The following BZW2 variants were observed in gnomAD, a reference collection of about 807,000 sequenced individuals.
BZW2 encodes the protein basic leucine zipper and W2 domains 2.
Under a neutral mutation model 53.2 loss-of-function variants are expected in BZW2, and 23 were observed. That is an observed-to-expected ratio of 0.43 (90% CI 0.31 to 0.61). The LOEUF (loss-of-function observed/expected upper bound fraction) is 0.61, where lower values mean the gene tolerates loss of function less well. Among genes scored for constraint, BZW2 ranks in the 20% least tolerant of loss-of-function variants. The probability of loss-of-function intolerance (pLI) is 0.09; values close to 1 mark genes in which losing one functional copy is unlikely to be tolerated. For missense variants in BZW2, 409 were observed against 503.1 expected, an observed-to-expected ratio of 0.81 and a Z score of 1.79; for synonymous variants, 227 against 186.4, an observed-to-expected ratio of 1.22 and a Z score of -1.77.
chr7:16,699,798 C>A (rs1401167930), intron 10 of BZW2, among the ~76,000 whole-genome samples: 1 of 152,164 alleles, frequency 6.6e-6, no homozygotes, highest in East Asian at 1.9e-4. Context: ...ACCTCCTTTT[C>A]CTTTAGACTT....
intron 7 of BZW2, among the ~76,000 whole-genome samples, chr7:16,693,254 A>G (rs947954054): frequency 2.0e-5 from 3 of 152,202 alleles, no homozygotes; most frequent in African/African-American, 7.2e-5. Context: ...CTAAAAAAAT[A>G]CAAACCATGT....
At chr7:16,689,938 A>T (rs1202336076) in intron 7 of BZW2, 32 bp downstream of exon 7, 2 of 1,544,058 alleles carry the variant, frequency 1.3e-6, no homozygotes, top group Non-Finnish European at 1.8e-6. Context: ...AGTTGTATGT[A>T]TGATGCCTTT....
At chr7:16,673,347 A>G (rs1782668375) in intron 2 of BZW2, among the ~76,000 whole-genome samples, 1 of 152,158 alleles carries the variant, frequency 6.6e-6, no homozygotes, top group African/African-American at 2.4e-5. Context: ...TAATGATACC[A>G]AGATATTCAC....
chr7:16,663,270 G>A (rs1782321662), intron 1 of BZW2, among the ~76,000 whole-genome samples: 1 of 152,110 alleles, frequency 6.6e-6, no homozygotes, highest in Non-Finnish European at 1.5e-5. Flanking sequence ...TCTACTGTTT[G>A]AACTATTACA....
intron 5 of BZW2, among the ~76,000 whole-genome samples, chr7:16,683,584 T>C (rs1204756591): frequency 3.3e-5 from 5 of 152,276 alleles, no homozygotes; most frequent in East Asian, 1.9e-4. Context: ...TCTTTGGAGA[T>C]AGAGTATATA....
At chr7:16,684,295 G>T (rs1400334759) in intron 5 of BZW2, among the ~76,000 whole-genome samples, 1 of 152,194 alleles carries the variant, frequency 6.6e-6, no homozygotes, top group Non-Finnish European at 1.5e-5. Context: ...TTCTGTAATT[G>T]GAGATGGAGA....
chr7:16,657,349 A>C (rs961583586), intron 1 of BZW2, among the ~76,000 whole-genome samples: 7 of 152,230 alleles, frequency 4.6e-5, no homozygotes, highest in African/African-American at 1.7e-4. Flanking sequence ...ATTTTGCTGT[A>C]TCTACATAGC....
chr7:16,687,913 AT>A (rs1783179356), intron 6 of BZW2, among the ~76,000 whole-genome samples: 1 of 152,128 alleles, frequency 6.6e-6, no homozygotes, highest in African/African-American at 2.4e-5. Flanking sequence ...GTGTTAATTT[AT>A]ATTAAATTTT....
chr7:16,657,250 G>A (rs1782146650), intron 1 of BZW2, among the ~76,000 whole-genome samples: 1 of 152,208 alleles, frequency 6.6e-6, no homozygotes, highest in South Asian at 2.1e-4. Context: ...AGAATAAGAG[G>A]TGCCTTGAAC....
intron 7 of BZW2, among the ~76,000 whole-genome samples, chr7:16,691,820 T>C (rs1583744827): frequency 1.3e-5 from 2 of 152,246 alleles, no homozygotes; most frequent in Admixed American, 6.5e-5. Flanking sequence ...GATGGCTTCA[T>C]TTATAAAATT....
chr7:16,704,510 G>A (rs933821041), intron 10 of BZW2, 37 bp from the exon 11 acceptor site: 3 of 1,492,990 alleles, frequency 2.0e-6, no homozygotes, highest in Admixed American at 1.8e-5. Flanking sequence ...CATGACATTT[G>A]TATAGTAACT....
intron 5 of BZW2, 26 bp downstream of exon 5, chr7:16,682,871 C>G: frequency 6.7e-7 from 1 of 1,486,508 alleles, no homozygotes; most frequent in South Asian, 1.2e-5. Context: ...TAATGCCTAT[C>G]TGTTTTATAG....
intron 2 of BZW2, among the ~76,000 whole-genome samples, chr7:16,670,991 C>T (rs1012704141): frequency 6.6e-6 from 1 of 152,198 alleles, no homozygotes; most frequent in African/African-American, 2.4e-5. Flanking sequence ...CACTTACAAC[C>T]CAGCCCTTCT....
At position 16,691,262 on chromosome 7, in the gene BZW2, A is replaced by G. The variant is rs142954939; in HGVS notation, c.651+1356A>G. On this transcript the variant is annotated intron_variant, in intron 7 of 11. Coordinates refer to ENST00000258761, the MANE Select transcript of BZW2 (RefSeq NM_014038.3). Reference sequence around the variant, plus strand: ...CTGCAGAGCCAGTAGAGAACAGGATAGAAAAGTTGCCTGCCCTCGTGAAAC... The same window carrying G: ...CTGCAGAGCCAGTAGAGAACAGGATGGAAAAGTTGCCTGCCCTCGTGAAAC... 3.5e-3 allele frequency among the ~76,000 whole-genome samples: 540 copies of G among 152,326 alleles called. 5 individuals carry two copies. The highest frequency in any genetic ancestry group is 0.012 in the African/African-American group (505 of 41,574).
chr7:16,705,554 G>A (rs1273154293), intron 11 of BZW2, among the ~76,000 whole-genome samples: 2 of 150,654 alleles, frequency 1.3e-5, no homozygotes, highest in Non-Finnish European at 3.0e-5. Context: ...GCATGGTGGT[G>A]GGCACCTGTA....
At chr7:16,688,402 C>G (rs1783198069) in intron 6 of BZW2, 1 of 152,218 alleles carries the variant, frequency 6.6e-6, no homozygotes, top group South Asian at 2.1e-4. Flanking sequence ...GATAATTTAT[C>G]TTTCCTTCAG....
At position 16,698,182 on chromosome 7, in the gene BZW2, T is replaced by C; in HGVS notation, c.1104T>C (p.Tyr368=). 1.2e-6 allele frequency: 2 copies of C among 1,614,174 alleles called. No homozygotes were observed. The highest frequency in any genetic ancestry group is 1.1e-5 in the South Asian group (1 of 91,078). Reference sequence around the variant, plus strand: ...TTCAGAAGATTGTGGTTCTCTTTTATAAAGGTATCCATCCACGTGCCACTG... The same window carrying C: ...TTCAGAAGATTGTGGTTCTCTTTTACAAAGGTATCCATCCACGTGCCACTG... ...KAFQKIVVLF[Y]KADVLSEEAI... is the part of the protein sequence containing the mutation. Residue 368 remains tyrosine, a synonymous_variant, in exon 10 of 12, where the codon TAT becomes TAC. Transcript: ENST00000258761.
intron 5 of BZW2, among the ~76,000 whole-genome samples, chr7:16,684,917 A>G (rs1241826736): frequency 3.9e-5 from 6 of 152,204 alleles, no homozygotes; most frequent in Non-Finnish European, 8.8e-5. Context: ...CTTATCCCCT[A>G]CACAGTTAGT....
At chr7:16,704,933 A>T (rs1783787502) in intron 11 of BZW2, among the ~76,000 whole-genome samples, 1 of 152,218 alleles carries the variant, frequency 6.6e-6, no homozygotes, top group Non-Finnish European at 1.5e-5. Context: ...TGATTAGTAG[A>T]TGTGAAAGGA....
Sources: allele counts gnomAD v4.1 joint callset (sites outside exome capture counted in the v4.1 genomes callset), GRCh38; gene constraint gnomAD v4.1.1; transcripts MANE v1.5; gene names NCBI Gene and HGNC (gene_info 2026-07-23, HGNC 2026-07-21).